RBM6: variants seen among roughly 807,000 people sequenced by gnomAD.
RBM6 encodes RNA binding motif protein 6, also known as RNA-binding protein 6.
Under a neutral mutation model 140.4 loss-of-function variants are expected in RBM6, and 23 were observed. The observed-to-expected ratio is 0.16, with a 90% CI of 0.12 to 0.23. The LOEUF (loss-of-function observed/expected upper bound fraction) is 0.23, where lower values mean the gene tolerates loss of function less well. RBM6 is among the 10% of genes least tolerant of loss of function. The probability of loss-of-function intolerance (pLI) is 1.00; values close to 1 mark genes in which losing one functional copy is unlikely to be tolerated. For missense variants in RBM6, 1,139 were observed against 1,386.7 expected (o/e 0.82, Z 2.84); for synonymous variants, 439 against 475.6 (o/e 0.92, Z 1.00).
intron 16 of RBM6, chr3:50,065,687 A>G (rs1280971772): frequency 4.4e-6 from 2 of 454,860 alleles, no homozygotes; most frequent in Non-Finnish European, 8.8e-6. Flanking sequence ...ATCATAGACC[A>G]ATGATTATGC....
chr3:49,974,030 TG>T (rs1302953038), intron 4 of RBM6, among the ~76,000 whole-genome samples: 1 of 152,114 alleles, frequency 6.6e-6, no homozygotes, highest in Admixed American at 6.6e-5. Flanking sequence ...CCTGAGTAGC[TG>T]GGACTACAGG....
At chr3:50,039,237 A>ATTAT (rs1559618162) in intron 6 of RBM6, among the ~76,000 whole-genome samples, 3 of 151,928 alleles carry the variant, frequency 2.0e-5, no homozygotes, top group South Asian at 2.1e-4. Context: ...ATAAATTATT[A>ATTAT]TTATTTATTT....
chr3:49,946,333 C>T (rs905954901), intron 1 of RBM6, among the ~76,000 whole-genome samples: 44 of 152,054 alleles, frequency 2.9e-4, no homozygotes, highest in Admixed American at 6.6e-4. Flanking sequence ...CTCCACCTCC[C>T]GGGTTCAAGC....
At chr3:49,961,117 A>G (rs1185141693) in intron 1 of RBM6, among the ~76,000 whole-genome samples, 1 of 151,806 alleles carries the variant, frequency 6.6e-6, no homozygotes, top group Non-Finnish European at 1.5e-5. Flanking sequence ...TCGCTCTGTC[A>G]CCCAGGCTGG....
At chr3:50,059,551 A>G in intron 10 of RBM6, 98 bp from the exon 11 acceptor site, 2 of 956,170 alleles carry the variant, frequency 2.1e-6, no homozygotes, top group Non-Finnish European at 3.2e-6. Context: ...TCCTCTGAGA[A>G]GGAAAATCCA....
At chr3:50,031,766 A>C (rs2088181282) in intron 6 of RBM6, among the ~76,000 whole-genome samples, 1 of 152,232 alleles carries the variant, frequency 6.6e-6, no homozygotes, top group Non-Finnish European at 1.5e-5. Flanking sequence ...CAATAGGGTG[A>C]GTATAGTCAA....
chr3:49,941,635 T>G (rs2083281331), intron 1 of RBM6, among the ~76,000 whole-genome samples: 1 of 79,854 alleles, frequency 1.3e-5, no homozygotes, highest in Non-Finnish European at 2.1e-5. Flanking sequence ...AGTGAAACTC[T>G]GTCTCAAAAA....
intron 4 of RBM6, among the ~76,000 whole-genome samples, chr3:49,974,384 T>G (rs1475088553): frequency 6.6e-6 from 1 of 151,014 alleles, no homozygotes; most frequent in East Asian, 2.0e-4. Context: ...TTTTTTTTTT[T>G]TTTTTGAGAT....
chr3:50,040,837 G>T (rs2088876355), intron 6 of RBM6, among the ~76,000 whole-genome samples: 1 of 151,928 alleles, frequency 6.6e-6, no homozygotes, highest in African/African-American at 2.4e-5. Flanking sequence ...TAGAGGCGGG[G>T]TTTTATCACA....
chr3:50,076,031 C>T (rs762614749), intron 20 of RBM6, among the ~76,000 whole-genome samples: 2 of 150,808 alleles, frequency 1.3e-5, no homozygotes, highest in African/African-American at 4.9e-5. Context: ...TGCAGTGGTG[C>T]GATCTCAGCT....
At chr3:50,020,000 C>G (rs1455378704) in intron 6 of RBM6, among the ~76,000 whole-genome samples, 1 of 151,732 alleles carries the variant, frequency 6.6e-6, no homozygotes, top group Non-Finnish European at 1.5e-5. Context: ...CTCACTATAA[C>G]CTCAAGTTCC....
At chr3:49,954,459 A>AT (rs2083882862) in intron 1 of RBM6, among the ~76,000 whole-genome samples, 1 of 149,836 alleles carries the variant, frequency 6.7e-6, no homozygotes, top group Non-Finnish European at 1.5e-5. Flanking sequence ...AAAAAAAAAA[A>AT]TTTGTGAAGA....
intron 6 of RBM6, among the ~76,000 whole-genome samples, chr3:50,017,781 C>T (rs1380194338): frequency 6.6e-6 from 1 of 152,076 alleles, no homozygotes; most frequent in African/African-American, 2.4e-5. Flanking sequence ...TTTAGTTTGA[C>T]GCAATTCCAT....
rs10663019 is a variant in RBM6 at position 50,061,560 on chromosome 3, C to CTTTTTTTTTTTTTTT, written c.2439+23_2439+37dup. The CTTTTTTTTTTTTTTT allele has an allele frequency of 2.9e-5, 37 of 1,270,280 alleles. No homozygotes were observed. In the South Asian group the frequency reaches 3.1e-4, roughly 11 times the overall value. 78.7% of individuals were successfully genotyped at this position (1,270,280 alleles called of 1,614,324 possible). A position where few individuals can be genotyped will look rare whatever the true frequency, so the allele number is the denominator to read the frequency against. On this transcript the variant is annotated intron_variant, in intron 14 of 20. Transcript: ENST00000266022. ...CCCCAATACCCAGGTGAGTTTGGGG[C>CTTTTTTTTTTTTTTT]TTTTTTTTTTTTTTTTTTTTTTTTA...
intron 1 of RBM6, among the ~76,000 whole-genome samples, chr3:49,949,919 C>T (rs576923380): frequency 1.3e-5 from 2 of 152,010 alleles, no homozygotes; most frequent in African/African-American, 2.4e-5. Flanking sequence ...AATGGGGTTT[C>T]GCCATATTGG....
intron 5 of RBM6, among the ~76,000 whole-genome samples, chr3:49,989,707 A>G (rs1228363015): frequency 6.6e-6 from 1 of 152,082 alleles, no homozygotes; most frequent in Non-Finnish European, 1.5e-5. Context: ...CTCCCAAGAA[A>G]ATTTCCCCAA....
rs1353829549 is a variant in RBM6 at position 49,975,339 on chromosome 3, G to A, written c.1430G>A (p.Arg477Gln). 4 of 1,613,118 alleles carry A rather than the reference G, an allele frequency of 2.5e-6. No homozygotes were observed. The highest frequency in any genetic ancestry group is 3.4e-6 in the Non-Finnish European group (4 of 1,179,256). ...TTTTTGCAGATTCTTAATGCTTTTC[G>A]GACTCCTGATGGCATGCCTGTAAAG... ...ATKEEILNAF[R>Q]TPDGMPVKNL... is the part of the protein sequence containing the mutation. The change falls in exon 5 of 21, where the codon CGG becomes CAG. Residue 477 changes from arginine to glutamine, a missense_variant. Transcript: ENST00000266022.
At chr3:49,974,099 G>A (rs193102145) in intron 4 of RBM6, among the ~76,000 whole-genome samples, 5 of 151,638 alleles carry the variant, frequency 3.3e-5, no homozygotes, top group East Asian at 3.9e-4. Context: ...GGGTTTCACC[G>A]TGTTAGCTAG....
intron 6 of RBM6, among the ~76,000 whole-genome samples, chr3:50,020,992 C>G (rs555623315): frequency 6.6e-6 from 1 of 152,258 alleles, no homozygotes; most frequent in East Asian, 1.9e-4. Context: ...GTTTTTAAAT[C>G]TCCATATACT....
Sources: gnomAD v4.1 joint callset for allele counts (sites outside exome capture counted in the v4.1 genomes callset) on GRCh38, gnomAD v4.1.1 for gene constraint, MANE v1.5 for transcripts, NCBI Gene and HGNC (gene_info 2026-07-23, HGNC 2026-07-21) for gene names.